Variants in SUCLA2 observed in about 807,000 individuals in gnomAD.
SUCLA2 encodes the protein succinate-CoA ligase ADP-forming subunit beta.
In SUCLA2, 30 loss-of-function variants were observed where a neutral mutation model predicts 54.8. That is an observed-to-expected ratio of 0.55 (90% confidence interval 0.41 to 0.74). SUCLA2 has a LOEUF of 0.74. Ranked by LOEUF, SUCLA2 falls within the 30% of genes least tolerant of loss-of-function variation. The probability of loss-of-function intolerance (pLI) is 0.00; values close to 1 mark genes in which losing one functional copy is unlikely to be tolerated. For missense variants in SUCLA2, 476 were observed against 562.9 expected (o/e 0.85, Z 1.56); for synonymous variants, 172 against 188.9 (o/e 0.91, Z 0.74).
chr13:47,943,544 C>A, intron 10 of SUCLA2, 99 bp from the exon 11 acceptor site: 1 of 993,248 alleles, frequency 1.0e-6, no homozygotes, highest in Non-Finnish European at 1.6e-6. Context: ...TTTAAAACAT[C>A]TGGACTATTC....
intron 1 of SUCLA2, among the ~76,000 whole-genome samples, chr13:47,997,800 C>T (rs1411326033): frequency 2.0e-5 from 3 of 152,168 alleles, no homozygotes; most frequent in East Asian, 1.9e-4. Context: ...TTAAAGAGGT[C>T]ATAGAAACAA....
chr13:47,955,358 C>CA (rs1370481687), intron 6 of SUCLA2, among the ~76,000 whole-genome samples: 3 of 152,092 alleles, frequency 2.0e-5, no homozygotes, highest in African/African-American at 7.2e-5. Flanking sequence ...TGCACCACAA[C>CA]ACCCAGCTAA....
intron 6 of SUCLA2, among the ~76,000 whole-genome samples, chr13:47,962,320 T>A (rs1214826233): frequency 2.0e-5 from 3 of 152,348 alleles, no homozygotes; most frequent in Non-Finnish European, 4.4e-5. Context: ...AAAATGTGTT[T>A]ATTTGCATAT....
chr13:47,977,141 AAG>A (rs1294780592), intron 4 of SUCLA2, among the ~76,000 whole-genome samples: 3 of 152,154 alleles, frequency 2.0e-5, no homozygotes, highest in South Asian at 2.1e-4. Flanking sequence ...CTGTCACAGA[AAG>A]AGTCTGAGAC....
chr13:47,957,164 T>C (rs1378877586), intron 6 of SUCLA2, among the ~76,000 whole-genome samples: 2 of 152,158 alleles, frequency 1.3e-5, no homozygotes, highest in East Asian at 1.9e-4. Context: ...CTAGTTCCTA[T>C]TTTCTTACAC....
rs1421482607 is a variant in SUCLA2, at chr13:47,965,525, AAAAC to A, written c.802+3066_802+3069del. 7.5e-3 allele frequency: 2,967 copies of A among 396,666 alleles called. 5 individuals carry two copies. The highest frequency in any genetic ancestry group is 9.4e-3 in the Non-Finnish European group (2,122 of 225,222). 24.6% of individuals were successfully genotyped at this position (396,666 alleles called of 1,614,324 possible). ...AAAAAAAACAAACAAACAAAAAAAAAAAACAAAGAAAAACAGGAACAACAAAAAA... is the reference window on the plus strand; with the variant it reads ...AAAAAAAACAAACAAACAAAAAAAAAAAAGAAAAACAGGAACAACAAAAAA... On this transcript the variant is annotated intron_variant, in intron 6 of 10. Coordinates refer to ENST00000646932, the MANE Select transcript of SUCLA2 (RefSeq NM_003850.3).
At chr13:47,971,809 T>G (rs1415474897) in intron 5 of SUCLA2, 3 of 398,300 alleles carry the variant, frequency 7.5e-6, no homozygotes, top group African/African-American at 2.1e-5. Flanking sequence ...TTTAACCACT[T>G]AAACCATGGA....
intron 2 of SUCLA2, among the ~76,000 whole-genome samples, chr13:47,992,376 T>G (rs1950156477): frequency 1.0e-5 from 1 of 96,304 alleles, no homozygotes; most frequent in Non-Finnish European, 2.0e-5. Context: ...AAAAAGCCCT[T>G]CACAACGAAA....
chr13:47,954,761 T>C (rs952974994), intron 6 of SUCLA2, among the ~76,000 whole-genome samples: 2 of 152,226 alleles, frequency 1.3e-5, no homozygotes, highest in Admixed American at 6.5e-5. Flanking sequence ...ATCAAAGTTA[T>C]TGGGTCTACA....
At chr13:47,957,953 T>C (rs1037734312) in intron 6 of SUCLA2, among the ~76,000 whole-genome samples, 2 of 152,176 alleles carry the variant, frequency 1.3e-5, no homozygotes, top group African/African-American at 4.8e-5. Flanking sequence ...GTGTTTCATA[T>C]AGTCATGAGA....
chr13:47,963,760 AG>A (rs1442850954), intron 6 of SUCLA2, among the ~76,000 whole-genome samples: 2 of 152,222 alleles, frequency 1.3e-5, no homozygotes, highest in Non-Finnish European at 2.9e-5. Context: ...TTTGTTGAAA[AG>A]GCCTGGAAGC....
intron 6 of SUCLA2, among the ~76,000 whole-genome samples, chr13:47,963,368 G>A (rs1214132818): frequency 6.6e-6 from 1 of 152,228 alleles, no homozygotes; most frequent in Non-Finnish European, 1.5e-5. Flanking sequence ...AGAAGGCCAG[G>A]TGCAGTGGCT....
intron 2 of SUCLA2, among the ~76,000 whole-genome samples, chr13:47,995,583 T>C (rs1950184731): frequency 2.0e-5 from 3 of 152,190 alleles, no homozygotes; most frequent in Admixed American, 2.0e-4. Context: ...CTACACAAGA[T>C]GAATACTTTT....
chr13:47,945,687 A>ACACACACACACAC (rs1491447315), intron 10 of SUCLA2: 24 of 15,982 alleles, frequency 1.5e-3, no homozygotes, highest in African/African-American at 3.2e-3. Flanking sequence ...CACACACACA[A>ACACACACACACAC]AGTCCCCCCC....
intron 8 of SUCLA2, among the ~76,000 whole-genome samples, chr13:47,953,482 T>G (rs1277236169): frequency 2.0e-5 from 3 of 152,136 alleles, no homozygotes; most frequent in African/African-American, 4.8e-5. Flanking sequence ...TTAATCCTCC[T>G]TGCAAAATTA....
chr13:47,983,852 G>C (rs1000387751), intron 4 of SUCLA2, among the ~76,000 whole-genome samples: 3 of 151,952 alleles, frequency 2.0e-5, no homozygotes, highest in Admixed American at 6.6e-5. Context: ...AAGCCACAGA[G>C]AAGGCAACAC....
intron 4 of SUCLA2, among the ~76,000 whole-genome samples, chr13:47,976,097 T>TA (rs1190715314): frequency 3.3e-5 from 5 of 151,632 alleles, no homozygotes; most frequent in Admixed American, 2.6e-4. Flanking sequence ...AATTTAAAAT[T>TA]AAAAAAAAAT....
chr13:47,960,800 G>A (rs928574687), intron 6 of SUCLA2, among the ~76,000 whole-genome samples: 2 of 152,148 alleles, frequency 1.3e-5, no homozygotes, highest in Non-Finnish European at 2.9e-5. Context: ...ATATGTGCAG[G>A]TGTCGCACTG....
intron 6 of SUCLA2, among the ~76,000 whole-genome samples, chr13:47,964,835 T>C (rs758555081): frequency 1.5e-4 from 23 of 151,856 alleles, no homozygotes; most frequent in Non-Finnish European, 1.2e-4. Context: ...CCAGCCTGGG[T>C]GACAGAGCAA....
Sources: allele counts gnomAD v4.1 joint callset (sites outside exome capture counted in the v4.1 genomes callset), GRCh38; gene constraint gnomAD v4.1.1; transcripts MANE v1.5; gene names NCBI Gene and HGNC (gene_info 2026-07-23, HGNC 2026-07-21).